USP12: variants seen among roughly 807,000 people sequenced by gnomAD.
The protein encoded by USP12 is ubiquitin carboxyl-terminal hydrolase 12.
USP12 carries 19 observed loss-of-function variants against 45.5 expected under a neutral mutation model. The observed-to-expected ratio is 0.42, with a 90% CI of 0.29 to 0.61. The LOEUF is 0.61. USP12 is among the 20% of genes least tolerant of loss of function. The pLI is 0.22. For missense variants in USP12, 242 were observed against 447.7 expected, an observed-to-expected ratio of 0.54 and a Z score of 4.15; for synonymous variants, 149 against 148.8, an observed-to-expected ratio of 1.00 and a Z score of -0.01.
At chr13:27,091,092 C>T (rs1434170948) in intron 4 of USP12, among the ~76,000 whole-genome samples, 4 of 152,030 alleles carry the variant, frequency 2.6e-5, no homozygotes, top group Non-Finnish European at 4.4e-5. Context: ...TACAGCAACA[C>T]TACAAGATAA....
chr13:27,110,098 C>T (rs937363129), intron 2 of USP12, among the ~76,000 whole-genome samples: 1 of 129,220 alleles, frequency 7.7e-6, no homozygotes, highest in Non-Finnish European at 1.6e-5. Flanking sequence ...GGCCAAAATG[C>T]CATGATGACT....
intron 3 of USP12, among the ~76,000 whole-genome samples, chr13:27,099,898 C>G (rs1179525551): frequency 6.6e-6 from 1 of 152,168 alleles, no homozygotes; most frequent in Non-Finnish European, 1.5e-5. Flanking sequence ...TCTAAGAGCT[C>G]CGTACTAGCC....
chr13:27,095,743 C>T lies in USP12; in HGVS notation c.431G>A (p.Arg144Lys). The T allele has an allele frequency of 6.2e-7, 1 of 1,612,968 alleles. No homozygotes were observed. Among genetic ancestry groups the T allele is most frequent in the Non-Finnish European group, 8.5e-7 (1 of 1,179,524 alleles). ...ACGACCATTTTGTTTTTCCTGCTTT[C>T]TCTCTTCTTGTAAAATATCAGCAAT... ...NTIADILQEE[R>K]KQEKQNGRLP... Residue 144 changes from arginine to lysine, a missense_variant, in exon 4 of 9, where the codon AGA becomes AAA. Arg to Lys is a conservative substitution (Grantham distance 26). Coordinates refer to ENST00000282344, the MANE Select transcript of USP12 (RefSeq NM_182488.4).
chr13:27,085,764 C>A (rs370875187), intron 6 of USP12, among the ~76,000 whole-genome samples: 20 of 151,898 alleles, frequency 1.3e-4, no homozygotes, highest in African/African-American at 4.4e-4. Context: ...TGTGTATATA[C>A]ACACAAAACT....
chr13:27,093,677 A>C (rs1874425334), intron 4 of USP12, among the ~76,000 whole-genome samples: 1 of 152,220 alleles, frequency 6.6e-6, no homozygotes, highest in African/African-American at 2.4e-5. Flanking sequence ...CTTGATATTT[A>C]CACAAAGGAA....
chr13:27,115,328 G>C lies in USP12; in HGVS notation c.129+1188C>G, dbSNP rs553165307. 5.3e-5 allele frequency among the ~76,000 whole-genome samples: 8 copies of C among 152,268 alleles called. No individual in the cohort carries two copies. In the South Asian group the frequency reaches 1.7e-3, roughly 32 times the overall value. ...TAATGAGTAGCCTGTTCTGGAGAGA[G>C]AGAAAGGTAAGGGAGTGCTGATTCT... On this transcript the variant is annotated intron_variant, in intron 2 of 8. Coordinates refer to ENST00000282344, the MANE Select transcript of USP12 (RefSeq NM_182488.4).
At chr13:27,148,579 C>G in intron 1 of USP12, among the ~76,000 whole-genome samples, 1 of 149,442 alleles carries the variant, frequency 6.7e-6, no homozygotes, top group Non-Finnish European at 1.5e-5. Context: ...GAGGCTGAGG[C>G]AGGAGAATTG....
chr13:27,118,670 C>A (rs1875851083), intron 1 of USP12, among the ~76,000 whole-genome samples: 1 of 152,094 alleles, frequency 6.6e-6, no homozygotes, highest in Non-Finnish European at 1.5e-5. Context: ...ATAATCCTTT[C>A]CCCCGACCAA....
intron 1 of USP12, among the ~76,000 whole-genome samples, chr13:27,135,033 C>T (rs1000809005): frequency 6.6e-6 from 1 of 152,102 alleles, no homozygotes; most frequent in African/African-American, 2.4e-5. Context: ...GACTGCAATC[C>T]CAGCACTTTG....
At chr13:27,146,528 G>A (rs1877317811) in intron 1 of USP12, among the ~76,000 whole-genome samples, 1 of 152,194 alleles carries the variant, frequency 6.6e-6, no homozygotes, top group East Asian at 1.9e-4. Flanking sequence ...TCTAGGAAAT[G>A]TCAGCCATTA....
chr13:27,166,849 C>T (rs1402093432), intron 1 of USP12, among the ~76,000 whole-genome samples: 1 of 152,028 alleles, frequency 6.6e-6, no homozygotes, highest in African/African-American at 2.4e-5. Flanking sequence ...CTGTCAACGC[C>T]CTAGTACCCT....
At chr13:27,126,910 A>C (rs1876264442) in intron 1 of USP12, among the ~76,000 whole-genome samples, 2 of 152,360 alleles carry the variant, frequency 1.3e-5, no homozygotes, top group Non-Finnish European at 2.9e-5. Flanking sequence ...ACAGGCACAA[A>C]GCAAACTTCC....
At chr13:27,137,697 G>T (rs146088120) in intron 1 of USP12, among the ~76,000 whole-genome samples, 84 of 152,334 alleles carry the variant, frequency 5.5e-4, no homozygotes, top group African/African-American at 1.9e-3. Context: ...TAGTATCCAT[G>T]CCTTTGTATA....
At position 27,129,175 on chromosome 13, in the gene USP12, T is replaced by C. The variant is rs1876379657; in HGVS notation, c.49-12579A>G. Among the ~76,000 whole-genome samples the C allele has an allele frequency of 1.3e-5, 2 of 152,160 alleles. No homozygotes were observed. Among genetic ancestry groups the C allele is most frequent in the South Asian group, 2.1e-4 (1 of 4,826 alleles). On this transcript the variant is annotated intron_variant, in intron 1 of 8. Transcript: ENST00000282344. The surrounding 1 kb of genome is among the most constrained non-coding windows in gnomAD (Gnocchi z 4.0). ...CTTACCACAATAAGAAAGTGACCTG[T>C]AGCTCTTTCCGTGTCACTGAGACAA...
At chr13:27,071,047 A>G in intron 8 of USP12, 24 bp downstream of exon 8, 4 of 1,583,284 alleles carry the variant, frequency 2.5e-6, no homozygotes, top group Non-Finnish European at 3.4e-6. Flanking sequence ...ACTTTCAAAA[A>G]TAAGAAATTA....
chr13:27,092,713 T>C (rs1014972068), intron 4 of USP12, among the ~76,000 whole-genome samples: 2 of 152,068 alleles, frequency 1.3e-5, no homozygotes, highest in African/African-American at 4.8e-5. Context: ...TATACAGAAA[T>C]TAACTCAAAA....
chr13:27,163,305 T>C (rs1878196829), intron 1 of USP12, among the ~76,000 whole-genome samples: 1 of 152,164 alleles, frequency 6.6e-6, no homozygotes, highest in Non-Finnish European at 1.5e-5. Flanking sequence ...CCAGCCTTAC[T>C]GTTCACAAGA....
At chr13:27,090,790 C>T (rs1195880311) in intron 4 of USP12, among the ~76,000 whole-genome samples, 1 of 152,216 alleles carries the variant, frequency 6.6e-6, no homozygotes, top group Non-Finnish European at 1.5e-5. Context: ...ACTCAGCAAC[C>T]TGTGCCTCTC....
In USP12 at chr13:27,166,691, G is replaced by A. The variant is rs1227734751; in HGVS notation, c.48+4901C>T. On this transcript the variant is annotated intron_variant, in intron 1 of 8. Transcript: ENST00000282344. Reference sequence around the variant, plus strand: ...ATTGAATATGGTATTTAAAACTAGAGTTTTCAAGCATATTAAAAATTTCAG... The same window carrying A: ...ATTGAATATGGTATTTAAAACTAGAATTTTCAAGCATATTAAAAATTTCAG... Among the ~76,000 whole-genome samples, 27 of 152,086 alleles carry A rather than the reference G, an allele frequency of 1.8e-4. 1 individual carries two copies. The highest frequency in any genetic ancestry group is 1.8e-3 in the Admixed American group (27 of 15,266).
Sources: gnomAD v4.1 joint callset for allele counts (sites outside exome capture counted in the v4.1 genomes callset) on GRCh38, gnomAD v4.1.1 for gene constraint, Gnocchi (gnomAD v3.1) non-coding constraint, MANE v1.5 for transcripts, NCBI Gene and HGNC (gene_info 2026-07-23, HGNC 2026-07-21) for gene names.